The following TAFA5 variants were observed in gnomAD, a reference collection of about 807,000 sequenced individuals.
TAFA5 encodes TAFA chemokine like family member 5.
TAFA5 carries 6 observed loss-of-function variants against 15.3 expected under a neutral mutation model. The ratio of observed to expected loss-of-function variants is 0.39; its 90% CI spans 0.21 to 0.77. TAFA5 has a LOEUF of 0.77. Among genes scored for constraint, TAFA5 ranks in the 30% least tolerant of loss-of-function variants. TAFA5 has a pLI of 0.41. For synonymous variants in TAFA5, 103 were observed against 80.7 expected (o/e 1.28, Z -1.48); for missense variants, 161 against 193.1 (o/e 0.83, Z 0.98).
At chr22:48,623,319 A>ACCTGTGGGACGGGAGG in intron 1 of TAFA5, among the ~76,000 whole-genome samples, 1 of 42,224 alleles carries the variant, frequency 2.4e-5, no homozygotes, top group African/African-American at 9.5e-5. Context: ...GGGACGGGAC[A>ACCTGTGGGACGGGAGG]TGTCGCGTGG....
chr22:48,632,106 T>C (rs1292051844), intron 1 of TAFA5, among the ~76,000 whole-genome samples: 1 of 152,190 alleles, frequency 6.6e-6, no homozygotes, highest in Non-Finnish European at 1.5e-5. Context: ...CTAAAGGTCA[T>C]CTCCTACCTG....
chr22:48,517,828 C>T (rs1921466341), intron 1 of TAFA5, among the ~76,000 whole-genome samples: 1 of 152,208 alleles, frequency 6.6e-6, no homozygotes, highest in Admixed American at 6.5e-5. Flanking sequence ...GGTTGCTCCT[C>T]CCCCGCCCTC....
chr22:48,615,815 C>A (rs1436751572), intron 1 of TAFA5, among the ~76,000 whole-genome samples: 3 of 152,300 alleles, frequency 2.0e-5, no homozygotes, highest in Middle Eastern at 6.8e-3. Flanking sequence ...CTCCTGTCCG[C>A]AGAGAACCCC....
chr22:48,647,570 C>T (rs1926911045), intron 2 of TAFA5, among the ~76,000 whole-genome samples: 1 of 152,116 alleles, frequency 6.6e-6, no homozygotes, highest in Non-Finnish European at 1.5e-5. Flanking sequence ...CCCAGTGTGT[C>T]CCGGGAAGGC....
At chr22:48,515,781 G>T (rs1326086862) in intron 1 of TAFA5, among the ~76,000 whole-genome samples, 1 of 152,204 alleles carries the variant, frequency 6.6e-6, no homozygotes, top group East Asian at 1.9e-4. Flanking sequence ...TGGGGACAGT[G>T]GGCAAGGCCG....
chr22:48,746,190 G>A (rs999731043), intron 3 of TAFA5, among the ~76,000 whole-genome samples: 3 of 151,962 alleles, frequency 2.0e-5, no homozygotes, highest in East Asian at 3.9e-4. Context: ...GGCCCTTCTC[G>A]GTGTTGTCTT....
chr22:48,584,978 C>T (rs540327870), intron 1 of TAFA5, among the ~76,000 whole-genome samples: 3 of 147,992 alleles, frequency 2.0e-5, no homozygotes, highest in South Asian at 4.3e-4. Context: ...AAATACATCA[C>T]ACACATTCAC....
chr22:48,741,247 A>G (rs1000946076), intron 3 of TAFA5, among the ~76,000 whole-genome samples: 2 of 151,440 alleles, frequency 1.3e-5, no homozygotes, highest in Non-Finnish European at 2.9e-5. Context: ...AGTCGTCCTC[A>G]CCGCTGGGTC....
chr22:48,671,241 A>T (rs2057204), intron 2 of TAFA5, among the ~76,000 whole-genome samples: 1 of 152,126 alleles, frequency 6.6e-6, no homozygotes, highest in Admixed American at 6.5e-5. Context: ...CAGGAGGACC[A>T]GAATGAGCAG....
chr22:48,739,711 C>A (rs2147272702), intron 3 of TAFA5, among the ~76,000 whole-genome samples: 1 of 152,264 alleles, frequency 6.6e-6, no homozygotes, highest in Non-Finnish European at 1.5e-5. Context: ...TTGAGCAGAT[C>A]TGGGGAGGAG....
chr22:48,683,634 C>T (rs776011852), intron 2 of TAFA5, among the ~76,000 whole-genome samples: 10 of 152,248 alleles, frequency 6.6e-5, no homozygotes, highest in Non-Finnish European at 1.5e-4. Flanking sequence ...TGGGCCAGCA[C>T]CTTCATTCAG....
Position 48,638,203 on chromosome 22 carries a change from A to G in TAFA5, c.113-8394A>G, listed in dbSNP as rs1248760575. 2.6e-5 allele frequency among the ~76,000 whole-genome samples: 4 copies of G among 152,166 alleles called. No individual in the cohort carries two copies. The East Asian group carries it at 7.7e-4, about 29-fold the overall frequency. On this transcript the variant is annotated intron_variant, in intron 1 of 3. Transcript: ENST00000402357. ...TCCTTGAGAGCCACTCCTACAAGGC[A>G]AATGACTGGTCACAGGGTACACGTG...
rs185867074 is a variant in TAFA5, at chr22:48,644,906, G to T, written c.113-1691G>T. Among the ~76,000 whole-genome samples, 576 of 152,354 alleles carry T rather than the reference G, an allele frequency of 3.8e-3. 2 individuals carry two copies. Among genetic ancestry groups the T allele is most frequent in the Non-Finnish European group, 4.7e-3 (319 of 68,036 alleles). On this transcript the variant is annotated intron_variant, in intron 1 of 3. Transcript: ENST00000402357. ...CCATCCTGTTGTCCTGAGCCCCCCA[G>T]GCAGCCCGCAGACTCTCTGCTGATC...
Position 48,750,035 on chromosome 22 carries a change from G to A in TAFA5, c.*188G>A, listed in dbSNP as rs1014838917. On this transcript the variant is annotated 3_prime_UTR_variant, in exon 4 of 4. Transcript: ENST00000402357. ...GAGCTTCGGTCTGTCCAGCCGACCC[G>A]AGGAGGCCGGACTCAGACACATAGG... 7.4e-5 allele frequency: 46 copies of A among 622,876 alleles called. No individual in the cohort carries two copies. Among genetic ancestry groups the A allele is most frequent in the Admixed American group, 3.0e-4 (11 of 36,578 alleles). The allele number at this position is 622,876 out of a possible 1,614,324, so 38.6% of individuals were successfully genotyped here. A position where few individuals can be genotyped will look rare whatever the true frequency, so the allele number is the denominator to read the frequency against.
chr22:48,575,886 C>A (rs1269131787), intron 1 of TAFA5, among the ~76,000 whole-genome samples: 2 of 141,570 alleles, frequency 1.4e-5, no homozygotes, highest in East Asian at 4.3e-4. Context: ...GCGGTGGCGG[C>A]GGCGGCGCGG....
At chr22:48,597,272 A>G (rs1924799684) in intron 1 of TAFA5, among the ~76,000 whole-genome samples, 1 of 151,904 alleles carries the variant, frequency 6.6e-6, no homozygotes, top group Non-Finnish European at 1.5e-5. Flanking sequence ...CATGGCCCCC[A>G]TCACCCGGGC....
intron 3 of TAFA5, among the ~76,000 whole-genome samples, chr22:48,715,905 G>C (rs6010601): frequency 6.6e-6 from 1 of 152,280 alleles, no homozygotes; most frequent in East Asian, 1.9e-4. Flanking sequence ...TCTTTAATCC[G>C]TCTTGAGTTA....
chr22:48,503,938 G>A (rs564808540), intron 1 of TAFA5, among the ~76,000 whole-genome samples: 155 of 152,288 alleles, frequency 1.0e-3, no homozygotes, highest in Admixed American at 1.8e-3. Flanking sequence ...AGCCAGCTCA[G>A]GATTGTCACC....
At chr22:48,727,467 C>A (rs1470696577) in intron 3 of TAFA5, among the ~76,000 whole-genome samples, 1 of 152,024 alleles carries the variant, frequency 6.6e-6, no homozygotes, top group African/African-American at 2.4e-5. Context: ...CAAATAGAGA[C>A]AAAATATAAT....
Sources: allele counts gnomAD v4.1 joint callset (sites outside exome capture counted in the v4.1 genomes callset), GRCh38; gene constraint gnomAD v4.1.1; transcripts MANE v1.5; gene names NCBI Gene and HGNC (gene_info 2026-07-23, HGNC 2026-07-21).